The following NRG3 variants were observed in gnomAD, a reference collection of about 807,000 sequenced individuals.
The protein encoded by NRG3 is pro-neuregulin-3, membrane-bound isoform.
A neutral mutation model predicts 66.9 loss-of-function variants in NRG3; 31 were observed. That is an observed-to-expected ratio of 0.46 (90% confidence interval 0.35 to 0.63). The LOEUF is 0.63. NRG3 is among the 20% of genes least tolerant of loss of function. NRG3 has a pLI of 0.00. For missense variants in NRG3, 910 were observed against 878.9 expected, an observed-to-expected ratio of 1.04 and a Z score of -0.45; for synonymous variants, 393 against 359.4, an observed-to-expected ratio of 1.09 and a Z score of -1.06.
chr10:82,871,310 T>C (rs1416059882), intron 4 of NRG3, among the ~76,000 whole-genome samples: 1 of 151,876 alleles, frequency 6.6e-6, no homozygotes, highest in African/African-American at 2.4e-5. Context: ...AATACTATAC[T>C]ATTTTGATTA....
chr10:82,102,113 CATATATATATATGTGTATTCATATATAT>C (rs71007296), intron 1 of NRG3, among the ~76,000 whole-genome samples: 9,651 of 84,880 alleles, frequency 0.11, 584 homozygotes, highest in Non-Finnish European at 0.15. Context: ...TATGTGTATT[CATATATATATATGTGTATTCATATATAT>C]ATATATATAT....
chr10:82,312,150 G>T (rs1052783853), intron 1 of NRG3, among the ~76,000 whole-genome samples: 2 of 152,080 alleles, frequency 1.3e-5, no homozygotes, highest in African/African-American at 4.8e-5. Context: ...CTAAGCAAGG[G>T]TATTTTCTTC....
At chr10:82,729,922 G>C (rs2057804624) in intron 2 of NRG3, among the ~76,000 whole-genome samples, 1 of 151,720 alleles carries the variant, frequency 6.6e-6, no homozygotes, top group Non-Finnish European at 1.5e-5. Context: ...CCTTTTTTGT[G>C]GCTCAAATAG....
chr10:82,369,341 T>C (rs975277632), intron 2 of NRG3, among the ~76,000 whole-genome samples: 2 of 138,390 alleles, frequency 1.4e-5, no homozygotes, highest in Non-Finnish European at 3.0e-5. Context: ...CTCTATTGCT[T>C]AGGTTGCAGT....
At chr10:82,242,935 A>G (rs551630387) in intron 1 of NRG3, among the ~76,000 whole-genome samples, 6 of 152,190 alleles carry the variant, frequency 3.9e-5, no homozygotes, top group Non-Finnish European at 5.9e-5. Context: ...ACCCTTTTGA[A>G]CAGAAAGTGT....
Position 82,083,533 on chromosome 10 carries a change from G to A in NRG3, c.823+207370G>A, listed in dbSNP as rs754178479. Among the ~76,000 whole-genome samples the A allele has an allele frequency of 7.3e-5, 11 of 151,702 alleles. 1 individual carries two copies. The highest frequency in any genetic ancestry group is 6.8e-3 in the Middle Eastern group (2 of 294). On this transcript the variant is annotated intron_variant, in intron 1 of 8. Coordinates refer to ENST00000372141, the MANE Select transcript of NRG3 (RefSeq NM_001010848.4). The stretch of plus-strand genomic sequence containing the variant: ...AGAGATAATTTTAGTGTCTCTTTGA[G>A]GAATATTATCTTTAGCAAACTTGTT...
intron 2 of NRG3, among the ~76,000 whole-genome samples, chr10:82,549,663 A>C (rs1353608301): frequency 6.6e-6 from 1 of 152,174 alleles, no homozygotes; most frequent in East Asian, 1.9e-4. Context: ...TTACACAAAC[A>C]AATTCCTTAA....
intron 1 of NRG3, among the ~76,000 whole-genome samples, chr10:82,141,861 T>C (rs1305550637): frequency 6.6e-6 from 1 of 152,186 alleles, no homozygotes; most frequent in Non-Finnish European, 1.5e-5. Context: ...GTGCTATTGC[T>C]ATACTAACGC....
At chr10:82,465,143 AT>A (rs1051613424) in intron 2 of NRG3, among the ~76,000 whole-genome samples, 6 of 152,242 alleles carry the variant, frequency 3.9e-5, no homozygotes, top group African/African-American at 1.4e-4. Flanking sequence ...AAGGCTAACG[AT>A]AATGGGGCTA....
At position 81,979,678 on chromosome 10, in the gene NRG3, A is replaced by G. The variant is rs1363981243; in HGVS notation, c.823+103515A>G. 2.6e-5 allele frequency among the ~76,000 whole-genome samples: 4 copies of G among 152,322 alleles called. No homozygotes were observed. In the East Asian group the frequency reaches 7.7e-4, roughly 29 times the overall value. On this transcript the variant is annotated intron_variant, in intron 1 of 8. Coordinates refer to ENST00000372141, the MANE Select transcript of NRG3 (RefSeq NM_001010848.4). ...AAGAAATACAACCTGAGCCATCCCCAGGGAGTCATATACATACGGACTCAC... is the reference window on the plus strand; with the variant it reads ...AAGAAATACAACCTGAGCCATCCCCGGGGAGTCATATACATACGGACTCAC...
Position 82,545,378 on chromosome 10 carries a change from T to C in NRG3, c.953+186510T>C, listed in dbSNP as rs2043823618. 3.3e-5 allele frequency among the ~76,000 whole-genome samples: 3 copies of C among 89,650 alleles called. No individual in the cohort carries two copies. In the Admixed American group the frequency reaches 3.4e-4, roughly 10 times the overall value. The allele number at this position is 89,650 out of a possible 152,430, so 58.8% of individuals were successfully genotyped here. The stretch of plus-strand genomic sequence containing the variant: ...TTTTAAAGTAATCTTGCTAATAGCA[T>C]TTTTTTTTTTTTTTTTTTGAGACGG... On this transcript the variant is annotated intron_variant, in intron 2 of 8. Coordinates refer to ENST00000372141, the MANE Select transcript of NRG3 (RefSeq NM_001010848.4).
intron 4 of NRG3, among the ~76,000 whole-genome samples, chr10:82,927,823 T>G (rs927629456): frequency 6.6e-6 from 1 of 152,224 alleles, no homozygotes; most frequent in African/African-American, 2.4e-5. Flanking sequence ...TGTGTCTTTA[T>G]AGTAGAGTGA....
chr10:82,350,117 G>A (rs1449926022), intron 1 of NRG3, among the ~76,000 whole-genome samples: 4 of 152,174 alleles, frequency 2.6e-5, no homozygotes, highest in East Asian at 3.9e-4. Context: ...CGGAACCCAC[G>A]AACATGAAAA....
intron 2 of NRG3, among the ~76,000 whole-genome samples, chr10:82,596,722 A>T (rs2047303582): frequency 6.6e-6 from 1 of 152,180 alleles, no homozygotes; most frequent in Admixed American, 6.5e-5. Context: ...TCATCCTCAC[A>T]GGTGTATGTA....
chr10:82,338,736 A>G (rs979780810), intron 1 of NRG3, among the ~76,000 whole-genome samples: 2 of 152,116 alleles, frequency 1.3e-5, no homozygotes, highest in African/African-American at 4.8e-5. Context: ...ACTACCACAC[A>G]TTGTCTTCTT....
At chr10:82,891,548 G>A (rs1328234599) in intron 4 of NRG3, among the ~76,000 whole-genome samples, 9 of 151,618 alleles carry the variant, frequency 5.9e-5, no homozygotes, top group Non-Finnish European at 1.3e-4. Flanking sequence ...TGATGTTATT[G>A]TAGATGATAT....
Position 82,445,174 on chromosome 10 carries a change from A to G in NRG3, c.953+86306A>G, listed in dbSNP as rs147248069. Among the ~76,000 whole-genome samples the G allele has an allele frequency of 6.0e-4, 91 of 151,946 alleles. No homozygotes were observed. In the Middle Eastern group the frequency reaches 0.014, roughly 23 times the overall value. On this transcript the variant is annotated intron_variant, in intron 2 of 8. Coordinates refer to ENST00000372141, the MANE Select transcript of NRG3 (RefSeq NM_001010848.4). ...TTTTGTACCCTATAACTTCTCCCAG[A>G]ATGACATAGTTAAATCCCATTATTT...
chr10:82,498,669 G>A (rs1025594788), intron 2 of NRG3, among the ~76,000 whole-genome samples: 1 of 152,248 alleles, frequency 6.6e-6, no homozygotes, highest in South Asian at 2.1e-4. Flanking sequence ...AATACACTCT[G>A]ATGGAAGAGA....
intron 1 of NRG3, among the ~76,000 whole-genome samples, chr10:82,015,177 G>A (rs988104386): frequency 5.9e-5 from 9 of 152,016 alleles, no homozygotes; most frequent in African/African-American, 9.7e-5. Flanking sequence ...TGTGAGAAGC[G>A]CAAATGTAAA....
Sources: allele counts gnomAD v4.1 joint callset (sites outside exome capture counted in the v4.1 genomes callset), GRCh38; gene constraint gnomAD v4.1.1; transcripts MANE v1.5; gene names NCBI Gene and HGNC (gene_info 2026-07-23, HGNC 2026-07-21).